The following STK31 variants were observed in gnomAD, a reference collection of about 807,000 sequenced individuals.
STK31 encodes serine/threonine kinase 31.
Under a neutral mutation model 129.7 loss-of-function variants are expected in STK31, and 89 were observed. That is an observed-to-expected ratio of 0.69 (90% CI 0.58 to 0.82). The LOEUF (loss-of-function observed/expected upper bound fraction) is 0.82. STK31 is among the 40% of genes least tolerant of loss of function. The pLI, the probability that STK31 is intolerant of heterozygous loss-of-function variation, is 0.00. For synonymous variants in STK31, 448 were observed against 395.3 expected (o/e 1.13, Z -1.58); for missense variants, 1,187 against 1,176.4 (o/e 1.01, Z -0.13).
At chr7:23,820,736 A>G (rs1386365259) in intron 23 of STK31, among the ~76,000 whole-genome samples, 4 of 152,162 alleles carry the variant, frequency 2.6e-5, no homozygotes, top group Admixed American at 2.0e-4. Context: ...TATGAGATCA[A>G]CTGTTATAGC....
intron 23 of STK31, among the ~76,000 whole-genome samples, chr7:23,823,586 A>C (rs1562634636): frequency 6.6e-6 from 1 of 152,062 alleles, no homozygotes; most frequent in Non-Finnish European, 1.5e-5. Context: ...TGCTGTGCAG[A>C]AGCTCTTTAG....
At chr7:23,805,397 T>G (rs1333776724) in intron 22 of STK31, among the ~76,000 whole-genome samples, 1 of 152,090 alleles carries the variant, frequency 6.6e-6, no homozygotes, top group African/African-American at 2.4e-5. Flanking sequence ...TTTTAAAAAG[T>G]TTTATTTCTA....
intron 23 of STK31, among the ~76,000 whole-genome samples, chr7:23,830,360 C>G (rs958249579): frequency 6.6e-6 from 1 of 151,868 alleles, no homozygotes; most frequent in Non-Finnish European, 1.5e-5. Context: ...TAATCTTACT[C>G]CTTTTTTGAT....
intron 23 of STK31, among the ~76,000 whole-genome samples, chr7:23,825,272 C>A (rs1035294606): frequency 1.3e-5 from 2 of 152,292 alleles, no homozygotes; most frequent in African/African-American, 4.8e-5. Flanking sequence ...GCCTCAATTT[C>A]AGAGCCTGTT....
chr7:23,831,606 T>C (rs1794551559), intron 23 of STK31, among the ~76,000 whole-genome samples: 1 of 152,246 alleles, frequency 6.6e-6, no homozygotes. Context: ...TTAATTTCTG[T>C]CATTGTATTA....
At chr7:23,810,729 T>C (rs1389646024) in intron 22 of STK31, among the ~76,000 whole-genome samples, 2 of 32,992 alleles carry the variant, frequency 6.1e-5, no homozygotes, top group Non-Finnish European at 1.4e-4. Flanking sequence ...ATATATAAAA[T>C]AGATATATAT....
chr7:23,754,393 T>C lies in STK31; in HGVS notation c.1212T>C (p.Thr404=). Residue 404 remains threonine, a synonymous_variant, in exon 10 of 24, where the codon ACT becomes ACC. Coordinates refer to ENST00000355870, the MANE Select transcript of STK31 (RefSeq NM_031414.5). ...TGTTGGATGAAGGGTGCTTTACTAC[T>C]CCAGCTTCTTTGAATGGATTAGAGA... ...IQVLDEGCFT[T]PASLNGLEII... is the part of the protein sequence containing the mutation. 11 of 1,614,110 alleles carry C rather than the reference T, an allele frequency of 6.8e-6. No homozygotes were observed. The highest frequency in any genetic ancestry group is 9.3e-6 in the Non-Finnish European group (11 of 1,179,984).
chr7:23,781,605 A>G (rs771279643), intron 16 of STK31, 85 bp downstream of exon 16: 10 of 923,978 alleles, frequency 1.1e-5, no homozygotes, highest in Non-Finnish European at 1.5e-5. Flanking sequence ...GTGGACTGTA[A>G]TCACAAGGCT....
Position 23,717,475 on chromosome 7 carries a change from T to C in STK31, c.151-6T>C. ...CTGTATCTTATACTATATCTAATCT[T>C]TCTAGAGTATCAATAGAAATAAGGA... On this transcript the variant is annotated splice_polypyrimidine_tract_variant and splice_region_variant and intron_variant, in intron 3 of 23. Transcript: ENST00000355870. 6.3e-7 allele frequency: 1 copy of C among 1,586,270 alleles called. No individual in the cohort carries two copies. Among genetic ancestry groups the C allele is most frequent in the Non-Finnish European group, 8.6e-7 (1 of 1,157,036 alleles).
intron 22 of STK31, among the ~76,000 whole-genome samples, chr7:23,795,795 G>C (rs1791915035): frequency 6.6e-6 from 1 of 152,196 alleles, no homozygotes; most frequent in Non-Finnish European, 1.5e-5. Context: ...CTGCCCTGCT[G>C]GATTTTGAAT....
intron 23 of STK31, among the ~76,000 whole-genome samples, chr7:23,816,917 G>C (rs1793500929): frequency 6.6e-6 from 1 of 152,180 alleles, no homozygotes; most frequent in South Asian, 2.1e-4. Context: ...CAGGCATGGT[G>C]GCTCACGCCT....
In STK31 at chr7:23,806,832, G is replaced by A. The variant is rs530342862; in HGVS notation, c.2761-8312G>A. ...GGAGAATGGTGTGAACCCGGGAGGC[G>A]GAGCTTGCAGTGAGCAGAGATCACG... On this transcript the variant is annotated intron_variant, in intron 22 of 23. Coordinates refer to ENST00000355870, the MANE Select transcript of STK31 (RefSeq NM_031414.5). 2.8e-3 allele frequency among the ~76,000 whole-genome samples: 419 copies of A among 150,740 alleles called. 2 individuals are homozygous for A. Among genetic ancestry groups the A allele is most frequent in the African/African-American group, 5.8e-3 (239 of 41,004 alleles).
At chr7:23,787,057 C>G in intron 20 of STK31, 133 bp downstream of exon 20, 2 of 786,378 alleles carry the variant, frequency 2.5e-6, no homozygotes, top group Non-Finnish European at 4.1e-6. Context: ...TCACCTCAAG[C>G]CTGTGATAGA....
chr7:23,825,576 G>A (rs1794093077), intron 23 of STK31, among the ~76,000 whole-genome samples: 2 of 152,058 alleles, frequency 1.3e-5, no homozygotes, highest in African/African-American at 4.8e-5. Flanking sequence ...TTTTTTGAAG[G>A]GTTTTTTGTG....
At chr7:23,813,078 C>CTTTTTTTTTTTTTTTTTTTT (rs70956924) in intron 22 of STK31, among the ~76,000 whole-genome samples, 54 of 94,108 alleles carry the variant, frequency 5.7e-4, no homozygotes, top group Non-Finnish European at 7.0e-4. Flanking sequence ...GCTCTCTGTT[C>CTTTTTTTTTTTTTTTTTTTT]TTTTTTTTTT....
intron 9 of STK31, 93 bp downstream of exon 9, chr7:23,752,925 T>A: frequency 1.2e-6 from 1 of 809,354 alleles, no homozygotes; most frequent in Non-Finnish European, 2.0e-6. Context: ...ATTTTTGCTT[T>A]AAAATTTAAC....
chr7:23,817,874 C>T (rs556195063), intron 23 of STK31, among the ~76,000 whole-genome samples: 1 of 151,956 alleles, frequency 6.6e-6, no homozygotes, highest in Non-Finnish European at 1.5e-5. Flanking sequence ...TTTCAGTCTT[C>T]TCTCTTTTTT....
chr7:23,730,259 AGT>A (rs1448379334), intron 6 of STK31, among the ~76,000 whole-genome samples: 1 of 152,222 alleles, frequency 6.6e-6, no homozygotes, highest in African/African-American at 2.4e-5. Flanking sequence ...TGTGGAAAAC[AGT>A]TTAATCATTG....
At chr7:23,822,857 T>A (rs1793874767) in intron 23 of STK31, among the ~76,000 whole-genome samples, 1 of 152,236 alleles carries the variant, frequency 6.6e-6, no homozygotes, top group South Asian at 2.1e-4. Context: ...TTCGGTTTTT[T>A]GTCCTTGCGA....
Sources: allele counts gnomAD v4.1 joint callset (sites outside exome capture counted in the v4.1 genomes callset), GRCh38; gene constraint gnomAD v4.1.1; transcripts MANE v1.5; gene names NCBI Gene and HGNC (gene_info 2026-07-23, HGNC 2026-07-21).